SMAD6: variants seen among roughly 807,000 people sequenced by gnomAD.
The protein encoded by SMAD6 is SMAD family member 6.
Under a neutral mutation model 39.4 loss-of-function variants are expected in SMAD6, and 103 were observed. That is an observed-to-expected ratio of 2.62 (90% CI 2.23 to 3.08). The LOEUF is 3.08. SMAD6 is among the 30% of genes most tolerant of loss of function. The pLI, the probability that SMAD6 is intolerant of heterozygous loss-of-function variation, is 0.00. For synonymous variants in SMAD6, 445 were observed against 353.3 expected (o/e 1.26, Z -2.91); for missense variants, 1,104 against 742.9 (o/e 1.49, Z -5.65).
intron 3 of SMAD6, among the ~76,000 whole-genome samples, chr15:66,758,591 G>A (rs1023840667): frequency 2.0e-5 from 3 of 152,110 alleles, no homozygotes; most frequent in Non-Finnish European, 2.9e-5. Flanking sequence ...AGCCTGGCAC[G>A]GTTGCAGGCA....
At chr15:66,727,756 A>G (rs1052554014) in intron 3 of SMAD6, among the ~76,000 whole-genome samples, 3 of 152,346 alleles carry the variant, frequency 2.0e-5, no homozygotes, top group East Asian at 1.9e-4. Flanking sequence ...CCCAAAGTGT[A>G]GAGTTTTTTT....
At chr15:66,734,054 C>T (rs976821453) in intron 3 of SMAD6, among the ~76,000 whole-genome samples, 2 of 152,172 alleles carry the variant, frequency 1.3e-5, no homozygotes, top group African/African-American at 4.8e-5. Flanking sequence ...GAAAGGCAAC[C>T]CAGCATGGTG....
intron 3 of SMAD6, among the ~76,000 whole-genome samples, chr15:66,779,917 A>T (rs188372069): frequency 6.6e-6 from 1 of 152,346 alleles, no homozygotes; most frequent in Admixed American, 6.5e-5. Flanking sequence ...AGATGTCAGA[A>T]TCTGAGAAGC....
At chr15:66,707,215 G>A (rs1432022199) in intron 1 of SMAD6, 1 of 152,168 alleles carries the variant, frequency 6.6e-6, no homozygotes, top group Non-Finnish European at 1.5e-5. Context: ...TGTTTATAGA[G>A]CTCCTTTCTC....
Position 66,702,701 on chromosome 15 carries a change from T to C in SMAD6, c.-558T>C, listed in dbSNP as rs1892997987. 6.6e-6 allele frequency: 1 copy of C among 152,276 alleles called. No individual in the cohort carries two copies. The highest frequency in any genetic ancestry group is 2.4e-5 in the African/African-American group (1 of 41,436). 9.4% of individuals were successfully genotyped at this position (152,276 alleles called of 1,614,324 possible). On this transcript the variant is annotated 5_prime_UTR_variant, in exon 1 of 4. Coordinates refer to ENST00000288840, the MANE Select transcript of SMAD6 (RefSeq NM_005585.5). Reference sequence around the variant, plus strand: ...AGGTTTTGTTTGGGATTTCCTTTTCTTTCTTTCCTTTTTTTTTTCTTTTTG... The same window carrying C: ...AGGTTTTGTTTGGGATTTCCTTTTCCTTCTTTCCTTTTTTTTTTCTTTTTG...
chr15:66,749,360 A>G (rs904812731), intron 3 of SMAD6, among the ~76,000 whole-genome samples: 2 of 152,184 alleles, frequency 1.3e-5, no homozygotes, highest in Non-Finnish European at 2.9e-5. Context: ...TGGGAGGGTA[A>G]GGCAAGAGAA....
At chr15:66,735,102 C>T (rs566704906) in intron 3 of SMAD6, among the ~76,000 whole-genome samples, 1 of 152,340 alleles carries the variant, frequency 6.6e-6, no homozygotes, top group Admixed American at 6.5e-5. Flanking sequence ...GAAACTCAGG[C>T]CCTGGCAGCG....
At chr15:66,749,826 G>A (rs1893970037) in intron 3 of SMAD6, among the ~76,000 whole-genome samples, 1 of 152,176 alleles carries the variant, frequency 6.6e-6, no homozygotes, top group Non-Finnish European at 1.5e-5. Flanking sequence ...GACCCCAGGT[G>A]GCACCCCCTT....
At chr15:66,729,747 C>T (rs556664796) in intron 3 of SMAD6, among the ~76,000 whole-genome samples, 38 of 152,288 alleles carry the variant, frequency 2.5e-4, no homozygotes, top group African/African-American at 8.4e-4. Flanking sequence ...AGGCTTGATT[C>T]ACGACCGAGT....
rs1472730560 is a variant in SMAD6 at position 66,702,548 on chromosome 15, T to A, written c.-711T>A. ...TTTTTAATTAAGGATTCCCAGCAGC[T>A]CTTTGGGATTTTTACAGCTTCCACT... On this transcript the variant is annotated 5_prime_UTR_variant, in exon 1 of 4. Coordinates refer to ENST00000288840, the MANE Select transcript of SMAD6 (RefSeq NM_005585.5). The A allele has an allele frequency of 6.6e-6, 1 of 152,524 alleles. No individual in the cohort carries two copies. Among genetic ancestry groups the A allele is most frequent in the African/African-American group, 2.4e-5 (1 of 41,408 alleles). The allele number at this position is 152,524 out of a possible 1,614,324, so 9.4% of individuals were successfully genotyped here. A position where few individuals can be genotyped will look rare whatever the true frequency, so the allele number is the denominator to read the frequency against.
intron 3 of SMAD6, among the ~76,000 whole-genome samples, chr15:66,755,548 T>C (rs1050523630): frequency 2.6e-5 from 4 of 152,134 alleles, no homozygotes; most frequent in African/African-American, 9.7e-5. Flanking sequence ...AACCCTGGAT[T>C]TTAGCTATGA....
At chr15:66,771,094 G>C (rs1394616782) in intron 3 of SMAD6, among the ~76,000 whole-genome samples, 2 of 152,200 alleles carry the variant, frequency 1.3e-5, no homozygotes, top group Non-Finnish European at 2.9e-5. Flanking sequence ...GCGGGTGGGA[G>C]ACGATCTCTT....
chr15:66,756,768 A>G (rs1894107520), intron 3 of SMAD6, among the ~76,000 whole-genome samples: 1 of 152,230 alleles, frequency 6.6e-6, no homozygotes, highest in Non-Finnish European at 1.5e-5. Context: ...CTAAAATCAC[A>G]AAGTGAATTC....
At chr15:66,725,501 T>C (rs1163846216) in intron 3 of SMAD6, among the ~76,000 whole-genome samples, 1 of 152,222 alleles carries the variant, frequency 6.6e-6, no homozygotes, top group East Asian at 1.9e-4. Context: ...AAGACTTTAA[T>C]TGATCTTTAA....
At chr15:66,770,674 G>A (rs192607044) in intron 3 of SMAD6, among the ~76,000 whole-genome samples, 1 of 152,258 alleles carries the variant, frequency 6.6e-6, no homozygotes, top group Admixed American at 6.5e-5. Context: ...TACAGAAACT[G>A]GTTCCTTCTC....
intron 3 of SMAD6, among the ~76,000 whole-genome samples, chr15:66,780,647 G>C (rs775540119): frequency 6.6e-6 from 1 of 152,226 alleles, no homozygotes; most frequent in Non-Finnish European, 1.5e-5. Flanking sequence ...CTTTGGGGGC[G>C]TGCAGGCAGT....
At chr15:66,774,691 A>G (rs186034216) in intron 3 of SMAD6, among the ~76,000 whole-genome samples, 29 of 152,250 alleles carry the variant, frequency 1.9e-4, no homozygotes, top group African/African-American at 7.0e-4. Context: ...TTCTTTAAGT[A>G]TCCAGGGTGT....
intron 3 of SMAD6, among the ~76,000 whole-genome samples, chr15:66,738,896 C>T (rs1336590119): frequency 4.6e-5 from 7 of 152,080 alleles, no homozygotes; most frequent in Non-Finnish European, 1.0e-4. Flanking sequence ...CATTCACAGG[C>T]GTCCTTCTCT....
intron 3 of SMAD6, among the ~76,000 whole-genome samples, chr15:66,742,641 T>A (rs146815953): frequency 6.6e-6 from 1 of 152,288 alleles, no homozygotes; most frequent in East Asian, 1.9e-4. Context: ...CAGCCACAAT[T>A]GACCCCATTT....
Sources: allele counts gnomAD v4.1 joint callset (sites outside exome capture counted in the v4.1 genomes callset), GRCh38; gene constraint gnomAD v4.1.1; transcripts MANE v1.5; gene names NCBI Gene and HGNC (gene_info 2026-07-23, HGNC 2026-07-21).